The following PCDHA9 variants were observed in gnomAD, a reference collection of about 807,000 sequenced individuals.
The protein encoded by PCDHA9 is protocadherin alpha-9.
PCDHA9 carries 62 observed loss-of-function variants against 62.0 expected under a neutral mutation model. The observed-to-expected ratio is 1.00, with a 90% CI of 0.81 to 1.23. The LOEUF (loss-of-function observed/expected upper bound fraction) is 1.23. Among genes scored for constraint, PCDHA9 ranks in the 50% most tolerant of loss-of-function variants. PCDHA9 has a pLI of 0.00. For synonymous variants in PCDHA9, 557 were observed against 567.6 expected (o/e 0.98, Z 0.27); for missense variants, 1,205 against 1,249.8 (o/e 0.96, Z 0.54).
At chr5:140,922,791 T>A (rs1454046146) in intron 1 of PCDHA9, among the ~76,000 whole-genome samples, 1 of 152,078 alleles carries the variant, frequency 6.6e-6, no homozygotes, top group Non-Finnish European at 1.5e-5. Flanking sequence ...AAACTGTAGC[T>A]TTGGAATACA....
Position 140,876,293 on chromosome 5 carries a change from A to G in PCDHA9, c.2394+25404A>G, listed in dbSNP as rs201253884. Reference sequence around the variant, plus strand: ...GCTTCCGATCCAGACGAAGGACTTAATGGAGAAATTTCCTATGGGATCAAA... The same window carrying G: ...GCTTCCGATCCAGACGAAGGACTTAGTGGAGAAATTTCCTATGGGATCAAA... On this transcript the variant is annotated intron_variant, in intron 1 of 3. Transcript: ENST00000532602. The G allele has an allele frequency of 9.9e-6, 16 of 1,613,942 alleles. No homozygotes were observed. The highest frequency in any genetic ancestry group is 2.5e-6 in the Non-Finnish European group (3 of 1,179,906).
intron 1 of PCDHA9, chr5:140,876,225 G>C: frequency 1.2e-6 from 2 of 1,613,982 alleles, no homozygotes; most frequent in Non-Finnish European, 1.7e-6. Context: ...AAGTAGTGTT[G>C]TCTGAAAATG....
At chr5:140,973,040 T>G (rs529820612) in intron 1 of PCDHA9, among the ~76,000 whole-genome samples, 23 of 152,264 alleles carry the variant, frequency 1.5e-4, no homozygotes, top group African/African-American at 5.5e-4. Flanking sequence ...CTTTGAGTAC[T>G]CTAGTAGATT....
intron 1 of PCDHA9, chr5:140,868,773 G>T: frequency 3.8e-6 from 1 of 263,102 alleles, no homozygotes. Flanking sequence ...GTTTCAATAT[G>T]ACTTATAATC....
At chr5:140,975,750 CTA>C (rs2096680444) in intron 1 of PCDHA9, among the ~76,000 whole-genome samples, 2 of 152,118 alleles carry the variant, frequency 1.3e-5, no homozygotes, top group African/African-American at 4.8e-5. Flanking sequence ...CTCAAATATT[CTA>C]TGTCATAAAT....
intron 1 of PCDHA9, chr5:140,869,751 C>T (rs1562632987): frequency 1.2e-6 from 2 of 1,613,134 alleles, no homozygotes; most frequent in Non-Finnish European, 1.7e-6. Context: ...CAGCTACAGA[C>T]GGGGGAAAAC....
At chr5:140,901,941 T>C (rs1350790379) in intron 1 of PCDHA9, among the ~76,000 whole-genome samples, 3 of 152,110 alleles carry the variant, frequency 2.0e-5, no homozygotes, top group African/African-American at 7.2e-5. Flanking sequence ...CTAGGTATAT[T>C]TAGTTTTATT....
chr5:140,871,226 G>T, intron 1 of PCDHA9: 1 of 1,613,918 alleles, frequency 6.2e-7, no homozygotes, highest in South Asian at 1.1e-5. Flanking sequence ...GTGGTGTCCA[G>T]CCTCCTGGTA....
chr5:140,921,974 T>G lies in PCDHA9; in HGVS notation c.2395-56975T>G, dbSNP rs184369031. Among the ~76,000 whole-genome samples the G allele has an allele frequency of 1.1e-3, 161 of 151,826 alleles. 2 individuals are homozygous for G. The highest frequency in any genetic ancestry group is 2.1e-3 in the Non-Finnish European group (141 of 67,922). The stretch of plus-strand genomic sequence containing the variant: ...AATCCCAGAAAACCAAAGGAAAAAA[T>G]AGAACTAAAAAAGAGTTCAATGAAA... On this transcript the variant is annotated intron_variant, in intron 1 of 3. Transcript: ENST00000532602.
At chr5:140,880,586 G>C (rs1212732393) in intron 1 of PCDHA9, among the ~76,000 whole-genome samples, 1 of 152,206 alleles carries the variant, frequency 6.6e-6, no homozygotes, top group African/African-American at 2.4e-5. Context: ...AGAGGAAAGA[G>C]AATATGGAAG....
At chr5:140,869,928 A>G (rs1554163617) in intron 1 of PCDHA9, 1 of 1,611,726 alleles carries the variant, frequency 6.2e-7, no homozygotes, top group Middle Eastern at 1.6e-4. Context: ...GAGTCAATGG[A>G]GAGGTAACAT....
chr5:140,968,996 G>A, intron 1 of PCDHA9: 1 of 1,614,202 alleles, frequency 6.2e-7, no homozygotes, highest in Non-Finnish European at 8.5e-7. Flanking sequence ...ATGCTGTGGA[G>A]GCTTCTGTGG....
At chr5:140,894,989 C>T (rs1446674371) in intron 1 of PCDHA9, among the ~76,000 whole-genome samples, 2 of 152,110 alleles carry the variant, frequency 1.3e-5, no homozygotes, top group Non-Finnish European at 2.9e-5. Context: ...TTGTGACATC[C>T]TTTACCCTTT....
intron 1 of PCDHA9, chr5:140,928,911 A>G: frequency 6.2e-7 from 1 of 1,614,184 alleles, no homozygotes; most frequent in Non-Finnish European, 8.5e-7. Flanking sequence ...TCTGGGAACC[A>G]GGAGGGCAGC....
At chr5:140,870,241 G>A (rs782478787) in intron 1 of PCDHA9, 2 of 1,614,196 alleles carry the variant, frequency 1.2e-6, no homozygotes, top group South Asian at 1.1e-5. Flanking sequence ...TGACTCAGGT[G>A]TCAACGGACA....
In PCDHA9 at chr5:140,888,521, C is replaced by T. The variant is rs191011552; in HGVS notation, c.2394+37632C>T. ...TAAAGAGTCTTGGACTTAGTTCTGACGTGAAGTTAAGTTGCTCAGTACCAA... is the reference window on the plus strand; with the variant it reads ...TAAAGAGTCTTGGACTTAGTTCTGATGTGAAGTTAAGTTGCTCAGTACCAA... On this transcript the variant is annotated intron_variant, in intron 1 of 3. Transcript: ENST00000532602. Among the ~76,000 whole-genome samples, 432 of 152,260 alleles carry T rather than the reference C, an allele frequency of 2.8e-3. 2 individuals carry two copies. The highest frequency in any genetic ancestry group is 0.014 in the Middle Eastern group (4 of 292).
chr5:140,969,281 A>C, intron 1 of PCDHA9: 5 of 1,614,220 alleles, frequency 3.1e-6, no homozygotes, highest in Non-Finnish European at 3.4e-6. Context: ...AAGTGGTCAG[A>C]ATGCTGGGAA....
chr5:140,858,695 T>C (rs563307566), intron 1 of PCDHA9: 3 of 571,446 alleles, frequency 5.2e-6, no homozygotes, highest in Admixed American at 3.6e-5. Flanking sequence ...TATTTTCCAA[T>C]ACAAATATGT....
At position 140,881,209 on chromosome 5, in the gene PCDHA9, G is replaced by C. The variant is rs74494049; in HGVS notation, c.2394+30320G>C. The C allele has an allele frequency of 3.6e-3, 703 of 194,982 alleles. 1 individual carries two copies. The highest frequency in any genetic ancestry group is 0.016 in the African/African-American group (679 of 42,430). 12.1% of individuals were successfully genotyped at this position (194,982 alleles called of 1,614,324 possible). On this transcript the variant is annotated intron_variant, in intron 1 of 3. Transcript: ENST00000532602. Reference sequence around the variant, plus strand: ...GATATGTTAACATCTTTGTCTAGCTGTTGTTTCTTGGAAAATTAAAGTCAA... The same window carrying C: ...GATATGTTAACATCTTTGTCTAGCTCTTGTTTCTTGGAAAATTAAAGTCAA...
Sources: allele counts gnomAD v4.1 joint callset (sites outside exome capture counted in the v4.1 genomes callset), GRCh38; gene constraint gnomAD v4.1.1; transcripts MANE v1.5; gene names NCBI Gene and HGNC (gene_info 2026-07-23, HGNC 2026-07-21).